The following CNTN5 variants were observed in gnomAD, a reference collection of about 807,000 sequenced individuals.
The protein encoded by CNTN5 is contactin-5.
CNTN5 carries 77 observed loss-of-function variants against 129.1 expected under a neutral mutation model. The ratio of observed to expected loss-of-function variants is 0.60; its 90% CI spans 0.50 to 0.72. CNTN5 has a LOEUF of 0.72. CNTN5 is among the 30% of genes least tolerant of loss of function. The pLI, the probability that CNTN5 is intolerant of heterozygous loss-of-function variation, is 0.00. For missense variants in CNTN5, 1,478 were observed against 1,328.8 expected (o/e 1.11, Z -1.75); for synonymous variants, 509 against 465.6 (o/e 1.09, Z -1.20).
At chr11:99,795,479 G>C (rs1157626094) in intron 3 of CNTN5, among the ~76,000 whole-genome samples, 1 of 152,086 alleles carries the variant, frequency 6.6e-6, no homozygotes, top group South Asian at 2.1e-4. Context: ...TGATCATTTG[G>C]ATATAAGGAG....
At chr11:99,595,547 A>G (rs1950100127) in intron 3 of CNTN5, among the ~76,000 whole-genome samples, 1 of 152,136 alleles carries the variant, frequency 6.6e-6, no homozygotes, top group Non-Finnish European at 1.5e-5. Context: ...GCAATATTAA[A>G]AAGCGATTTG....
chr11:99,610,024 CT>C (rs1950548370), intron 3 of CNTN5, among the ~76,000 whole-genome samples: 1 of 151,982 alleles, frequency 6.6e-6, no homozygotes, highest in East Asian at 1.9e-4. Flanking sequence ...ACTGTTAATC[CT>C]TTTAATACAA....
chr11:100,127,173 C>CA (rs1453134013), intron 13 of CNTN5, among the ~76,000 whole-genome samples: 1 of 140,926 alleles, frequency 7.1e-6, no homozygotes, highest in Non-Finnish European at 1.5e-5. Context: ...CCTCTGGTCT[C>CA]AATCTATCCA....
intron 21 of CNTN5, among the ~76,000 whole-genome samples, chr11:100,321,291 A>ATTTTTTTTTTTTTTTTTTT (rs35937617): frequency 7.4e-6 from 1 of 134,602 alleles, no homozygotes; most frequent in African/African-American, 2.7e-5. Context: ...ATTCCTAAGT[A>ATTTTTTTTTTTTTTTTTTT]TTTTTTTTTT....
intron 2 of CNTN5, among the ~76,000 whole-genome samples, chr11:99,438,153 GTAC>G (rs1257990366): frequency 1.3e-5 from 2 of 152,086 alleles, no homozygotes; most frequent in African/African-American, 4.8e-5. Context: ...CCCTTAAGAT[GTAC>G]TTCAACTTTA....
intron 13 of CNTN5, among the ~76,000 whole-genome samples, chr11:100,142,503 T>C (rs903752005): frequency 1.3e-4 from 20 of 152,122 alleles, no homozygotes; most frequent in Non-Finnish European, 2.4e-4. Context: ...AAACTACAAA[T>C]AGAAAATTTC....
At chr11:100,064,525 G>T (rs933927943) in intron 10 of CNTN5, among the ~76,000 whole-genome samples, 1 of 151,970 alleles carries the variant, frequency 6.6e-6, no homozygotes, top group Non-Finnish European at 1.5e-5. Context: ...TCATAAAAAA[G>T]AAATAAAACT....
intron 2 of CNTN5, among the ~76,000 whole-genome samples, chr11:99,506,753 A>T (rs1946637332): frequency 2.0e-5 from 3 of 152,184 alleles, no homozygotes; most frequent in African/African-American, 7.2e-5. Context: ...ACTTCATAGT[A>T]GTAATTGTAG....
chr11:100,326,047 G>A (rs544449302), intron 21 of CNTN5, among the ~76,000 whole-genome samples: 2 of 152,084 alleles, frequency 1.3e-5, no homozygotes, highest in Non-Finnish European at 2.9e-5. Flanking sequence ...TTCAGAATAG[G>A]AAGAGAATAC....
At chr11:99,790,206 G>A (rs577884516) in intron 3 of CNTN5, among the ~76,000 whole-genome samples, 2 of 152,008 alleles carry the variant, frequency 1.3e-5, no homozygotes, top group South Asian at 2.1e-4. Context: ...TAGGTTCAGG[G>A]GTACATGTGC....
chr11:99,630,153 G>A (rs779490897), intron 3 of CNTN5, among the ~76,000 whole-genome samples: 13 of 151,474 alleles, frequency 8.6e-5, no homozygotes, highest in Non-Finnish European at 1.8e-4. Context: ...AATAAAGATG[G>A]ATTTGTACTG....
intron 7 of CNTN5, among the ~76,000 whole-genome samples, chr11:99,946,251 G>A (rs1362696560): frequency 1.3e-5 from 2 of 152,068 alleles, no homozygotes; most frequent in Admixed American, 6.6e-5. Flanking sequence ...TGGGTTCCAA[G>A]AAAATTATAG....
chr11:99,481,836 T>C (rs1342814820), intron 2 of CNTN5, among the ~76,000 whole-genome samples: 1 of 152,214 alleles, frequency 6.6e-6, no homozygotes, highest in African/African-American at 2.4e-5. Flanking sequence ...AAGCCTACCA[T>C]AGTCAAGATT....
intron 9 of CNTN5, among the ~76,000 whole-genome samples, chr11:100,013,166 T>C (rs982717887): frequency 6.6e-6 from 1 of 152,062 alleles, no homozygotes; most frequent in African/African-American, 2.4e-5. Flanking sequence ...TGTGGAGTAA[T>C]AGTCAATGGA....
intron 13 of CNTN5, among the ~76,000 whole-genome samples, chr11:100,166,280 T>C (rs1176252415): frequency 6.6e-6 from 1 of 151,800 alleles, no homozygotes; most frequent in Non-Finnish European, 1.5e-5. Flanking sequence ...GGGCTTCATC[T>C]GACCAGACAT....
In CNTN5 at chr11:99,100,688, G is replaced by T. The variant is rs116554388; in HGVS notation, c.-210+79418G>T. Among the ~76,000 whole-genome samples, 1,190 of 152,008 alleles carry T rather than the reference G, an allele frequency of 7.8e-3. 20 individuals are homozygous for T. Among genetic ancestry groups the T allele is most frequent in the African/African-American group, 0.027 (1,105 of 41,474 alleles). ...GAAATATAAAATATGTTGAACAAAG[G>T]CTATTTCTCCATAATACGTTTTTAA... is the stretch of plus-strand genomic sequence containing the variant. On this transcript the variant is annotated intron_variant, in intron 1 of 24. Transcript: ENST00000524871.
intron 1 of CNTN5, among the ~76,000 whole-genome samples, chr11:99,101,207 C>T (rs1275547597): frequency 1.3e-5 from 2 of 152,138 alleles, no homozygotes; most frequent in African/African-American, 4.8e-5. Flanking sequence ...GGAAACCACC[C>T]CCATGATTCA....
chr11:100,186,370 G>C (rs1050969967), intron 13 of CNTN5, among the ~76,000 whole-genome samples: 2 of 152,044 alleles, frequency 1.3e-5, no homozygotes, highest in Non-Finnish European at 2.9e-5. Flanking sequence ...GCAAGACCTT[G>C]TCTCAAAAAT....
At position 99,641,082 on chromosome 11, in the gene CNTN5, G is replaced by A. The variant is rs4424646; in HGVS notation, c.55+84813G>A. On this transcript the variant is annotated intron_variant, in intron 3 of 24. Transcript: ENST00000524871. ...ATTTGAAGTAAGTACACTTAAGGAG[G>A]TTAAAAATTGGGAGGGGGCAAAGTT... Among the ~76,000 whole-genome samples the A allele has an allele frequency of 6.8e-3, 1,043 of 152,278 alleles. 69 individuals are homozygous for A. In the East Asian group the frequency reaches 0.17, roughly 24 times the overall value.
Sources: allele counts gnomAD v4.1 joint callset (sites outside exome capture counted in the v4.1 genomes callset), GRCh38; gene constraint gnomAD v4.1.1; transcripts MANE v1.5; gene names NCBI Gene and HGNC (gene_info 2026-07-23, HGNC 2026-07-21).